STAG1: variants seen among roughly 807,000 people sequenced by gnomAD.
The protein encoded by STAG1 is cohesin subunit SA-1.
A neutral mutation model predicts 170.9 loss-of-function variants in STAG1; 26 were observed. The observed-to-expected ratio is 0.15, with a 90% CI of 0.11 to 0.21. The LOEUF (loss-of-function observed/expected upper bound fraction) is 0.21, where lower values mean the gene tolerates loss of function less well. Ranked by LOEUF, STAG1 falls within the 10% of genes least tolerant of loss-of-function variation. STAG1 has a pLI of 1.00. For synonymous variants in STAG1, 514 were observed against 497.7 expected (o/e 1.03, Z -0.44); for missense variants, 964 against 1,509.5 (o/e 0.64, Z 5.99).
At chr3:136,506,519 G>A (rs1933773096) in intron 7 of STAG1, among the ~76,000 whole-genome samples, 1 of 148,056 alleles carries the variant, frequency 6.8e-6, no homozygotes. Context: ...GGTGACGCAC[G>A]CCAGTAATCC....
chr3:136,628,459 G>A (rs1466622592), intron 2 of STAG1, among the ~76,000 whole-genome samples: 1 of 151,690 alleles, frequency 6.6e-6, no homozygotes, highest in Non-Finnish European at 1.5e-5. Context: ...CCCAGTGCTG[G>A]AGAAAAAAAA....
At chr3:136,475,966 C>G (rs968992739) in intron 10 of STAG1, among the ~76,000 whole-genome samples, 4 of 152,280 alleles carry the variant, frequency 2.6e-5, no homozygotes, top group African/African-American at 9.6e-5. Flanking sequence ...AATTTAAGAA[C>G]TCTGAATCCC....
At chr3:136,340,142 A>T (rs1935907457) in intron 32 of STAG1, among the ~76,000 whole-genome samples, 1 of 152,106 alleles carries the variant, frequency 6.6e-6, no homozygotes, top group South Asian at 2.1e-4. Flanking sequence ...GAATTCTGAG[A>T]ATAAGAGGAT....
At chr3:136,720,253 G>A (rs940332095) in intron 1 of STAG1, among the ~76,000 whole-genome samples, 1 of 151,916 alleles carries the variant, frequency 6.6e-6, no homozygotes, top group Non-Finnish European at 1.5e-5. Context: ...AACCATCTGT[G>A]TGGAATGAAC....
At chr3:136,463,733 A>ATGTGTGTGTGTGTG (rs1470936669) in intron 13 of STAG1, among the ~76,000 whole-genome samples, 2 of 42,412 alleles carry the variant, frequency 4.7e-5, no homozygotes, top group African/African-American at 1.8e-4. Context: ...AAAAATGTGT[A>ATGTGTGTGTGTGTG]TATGTGTGTG....
Position 136,514,271 on chromosome 3 carries a change from C to G in STAG1, c.676+6942G>C, listed in dbSNP as rs555608386. ...CACAAGGATATGAACAGACACTTCTCAAAAGAAGACATTTATGCAGCCAAC... is the reference window on the plus strand; with the variant it reads ...CACAAGGATATGAACAGACACTTCTGAAAAGAAGACATTTATGCAGCCAAC... On this transcript the variant is annotated intron_variant, in intron 7 of 33. Transcript: ENST00000383202. Among the ~76,000 whole-genome samples, 6 of 152,296 alleles carry G rather than the reference C, an allele frequency of 3.9e-5. No individual in the cohort carries two copies. In the South Asian group the frequency reaches 1.2e-3, roughly 32 times the overall value.
At chr3:136,340,102 C>T (rs1935905186) in intron 32 of STAG1, among the ~76,000 whole-genome samples, 1 of 152,188 alleles carries the variant, frequency 6.6e-6, no homozygotes, top group South Asian at 2.1e-4. Flanking sequence ...TGATCAGTGT[C>T]ACCTCCTCCT....
chr3:136,464,864 A>G lies in STAG1; in HGVS notation c.1313+17T>C. On this transcript the variant is annotated intron_variant, in intron 13 of 33. Transcript: ENST00000383202. The stretch of plus-strand genomic sequence containing the variant: ...ACATAGAAAAGTAGAACCGGTTTTC[A>G]AAGATAATTAGCTCACTTTTTGTGA... 1 of 1,598,600 alleles carries G rather than the reference A, an allele frequency of 6.3e-7. No homozygotes were observed. Among genetic ancestry groups the G allele is most frequent in the African/African-American group, 1.3e-5 (1 of 74,440 alleles).
chr3:136,578,454 G>C (rs1048887019), intron 4 of STAG1, among the ~76,000 whole-genome samples: 3 of 152,176 alleles, frequency 2.0e-5, no homozygotes, highest in Admixed American at 6.5e-5. Flanking sequence ...CTAACTTGTG[G>C]AGAGTTATGG....
chr3:136,622,482 T>A (rs1939912267), intron 3 of STAG1, among the ~76,000 whole-genome samples: 1 of 152,166 alleles, frequency 6.6e-6, no homozygotes, highest in South Asian at 2.1e-4. Context: ...AAATGCTAAA[T>A]CTGGGTAATG....
intron 5 of STAG1, among the ~76,000 whole-genome samples, chr3:136,552,900 C>T (rs1936466993): frequency 6.6e-6 from 1 of 152,068 alleles, no homozygotes; most frequent in East Asian, 1.9e-4. Flanking sequence ...AGAAATGTAA[C>T]TTAATCCTAG....
chr3:136,418,447 A>T (rs1462539641), intron 20 of STAG1, among the ~76,000 whole-genome samples: 1 of 150,174 alleles, frequency 6.7e-6, no homozygotes, highest in Non-Finnish European at 1.5e-5. Context: ...CATAAAGGAA[A>T]TACTCATTAA....
At chr3:136,684,693 T>C (rs752203004) in intron 1 of STAG1, among the ~76,000 whole-genome samples, 3 of 151,012 alleles carry the variant, frequency 2.0e-5, no homozygotes, top group Non-Finnish European at 4.4e-5. Flanking sequence ...GGAGAATCGC[T>C]TGAACCCGGA....
intron 1 of STAG1, among the ~76,000 whole-genome samples, chr3:136,730,220 A>G (rs1465868108): frequency 6.6e-6 from 1 of 152,108 alleles, no homozygotes; most frequent in Non-Finnish European, 1.5e-5. Flanking sequence ...AATATTTCTA[A>G]TTTCTGTTGG....
At chr3:136,633,646 G>T (rs1940419801) in intron 1 of STAG1, among the ~76,000 whole-genome samples, 2 of 133,876 alleles carry the variant, frequency 1.5e-5, no homozygotes, top group African/African-American at 5.5e-5. Context: ...GTTGCAGTGA[G>T]CTAAGATTGT....
In STAG1 at chr3:136,610,944, C is replaced by T. The variant is rs542179196; in HGVS notation, c.133-6471G>A. On this transcript the variant is annotated intron_variant, in intron 3 of 33. Coordinates refer to ENST00000383202, the MANE Select transcript of STAG1 (RefSeq NM_005862.3). ...ATTTTTTAATCATCATCATAGTTTC[C>T]TTTTTTCCACATATTAATATATGGG... Among the ~76,000 whole-genome samples, 3 of 152,188 alleles carry T rather than the reference C, an allele frequency of 2.0e-5. No homozygotes were observed. In the East Asian group the frequency reaches 5.8e-4, roughly 29 times the overall value.
At chr3:136,373,134 A>G (rs937682265) in intron 23 of STAG1, among the ~76,000 whole-genome samples, 10 of 152,114 alleles carry the variant, frequency 6.6e-5, no homozygotes, top group African/African-American at 1.4e-4. Context: ...GTTTATTTGC[A>G]TAGAGGTGTT....
At chr3:136,537,267 T>C (rs1384398669) in intron 6 of STAG1, among the ~76,000 whole-genome samples, 1 of 152,140 alleles carries the variant, frequency 6.6e-6, no homozygotes, top group Non-Finnish European at 1.5e-5. Flanking sequence ...AAGAAAGAAA[T>C]TAATTGCTGC....
At chr3:136,718,688 G>A (rs1933017762) in intron 1 of STAG1, among the ~76,000 whole-genome samples, 1 of 152,144 alleles carries the variant, frequency 6.6e-6, no homozygotes, top group Non-Finnish European at 1.5e-5. Flanking sequence ...ACTTTGGGAG[G>A]CCAAGGTGGG....
Sources: allele counts gnomAD v4.1 joint callset (sites outside exome capture counted in the v4.1 genomes callset), GRCh38; gene constraint gnomAD v4.1.1; transcripts MANE v1.5; gene names NCBI Gene and HGNC (gene_info 2026-07-23, HGNC 2026-07-21).